GABRG2: variants seen among roughly 807,000 people sequenced by gnomAD.
GABRG2 encodes the protein gamma-aminobutyric acid receptor subunit gamma-2.
A neutral mutation model predicts 56.4 loss-of-function variants in GABRG2; 16 were observed. The observed-to-expected ratio is 0.28, with a 90% CI of 0.19 to 0.43. The LOEUF (loss-of-function observed/expected upper bound fraction) is 0.43, where lower values mean the gene tolerates loss of function less well. Among genes scored for constraint, GABRG2 ranks in the 20% least tolerant of loss-of-function variants. The pLI is 1.00. For synonymous variants in GABRG2, 208 were observed against 205.5 expected (o/e 1.01, Z -0.10); for missense variants, 327 against 582.7 (o/e 0.56, Z 4.52).
At chr5:162,094,063 A>G in intron 2 of GABRG2, 84 bp downstream of exon 2, 24 of 1,408,162 alleles carry the variant, frequency 1.7e-5, no homozygotes, top group Non-Finnish European at 2.4e-5. Flanking sequence ...AGTGTAGTTC[A>G]AGAGCAAGGA....
chr5:162,149,727 C>G (rs1366301733), intron 8 of GABRG2: 1 of 468,058 alleles, frequency 2.1e-6, no homozygotes, highest in Non-Finnish European at 4.2e-6. Context: ...AATTCTCCTG[C>G]CTCAGCCCCC....
rs532284175 is a variant in GABRG2 at position 162,085,100 on chromosome 5, A to G, written c.108-8728A>G. ...GGTCATGCAGGTTATGAGGCCGTCAATATTGTATGTAGTGATATTTCACAA... is the reference window on the plus strand; with the variant it reads ...GGTCATGCAGGTTATGAGGCCGTCAGTATTGTATGTAGTGATATTTCACAA... On this transcript the variant is annotated intron_variant, in intron 1 of 9. Coordinates refer to ENST00000639213, the MANE Select transcript of GABRG2 (RefSeq NM_198904.4). Among the ~76,000 whole-genome samples the G allele has an allele frequency of 3.3e-5, 5 of 152,108 alleles. No individual in the cohort carries two copies. In the East Asian group the frequency reaches 7.7e-4, roughly 24 times the overall value.
chr5:162,097,998 T>A, intron 4 of GABRG2, 140 bp downstream of exon 4: 1 of 698,490 alleles, frequency 1.4e-6, no homozygotes, highest in Non-Finnish European at 2.4e-6. Flanking sequence ...TATCAATTAG[T>A]ATATGACATC....
intron 8 of GABRG2, 99 bp from the exon 9 acceptor site, chr5:162,151,631 G>A (rs1765376364): frequency 9.6e-7 from 1 of 1,046,334 alleles, no homozygotes; most frequent in Non-Finnish European, 1.4e-6. Context: ...TTTTCAAAAT[G>A]TATTTTTAAT....
At chr5:162,141,660 T>C (rs1290194809) in intron 6 of GABRG2, among the ~76,000 whole-genome samples, 1 of 152,182 alleles carries the variant, frequency 6.6e-6, no homozygotes, top group Non-Finnish European at 1.5e-5. Flanking sequence ...TGAAAAAATG[T>C]CTCATCATAG....
intron 1 of GABRG2, among the ~76,000 whole-genome samples, chr5:162,076,686 G>A (rs1759138256): frequency 6.6e-6 from 1 of 152,148 alleles, no homozygotes; most frequent in East Asian, 1.9e-4. Context: ...AACTCAGGTT[G>A]CTACTCTTGA....
At chr5:162,071,208 A>T (rs1268061895) in intron 1 of GABRG2, among the ~76,000 whole-genome samples, 5 of 151,568 alleles carry the variant, frequency 3.3e-5, no homozygotes. Flanking sequence ...TAGAGATTTT[A>T]AAACAAATCT....
intron 1 of GABRG2, among the ~76,000 whole-genome samples, chr5:162,078,950 T>C (rs1405763669): frequency 3.3e-5 from 5 of 150,856 alleles, no homozygotes; most frequent in Non-Finnish European, 7.4e-5. Context: ...TGTCACTTCA[T>C]AAAAAAATCT....
chr5:162,091,978 A>G (rs209356), intron 1 of GABRG2, among the ~76,000 whole-genome samples: 66,995 of 151,904 alleles, frequency 0.44, 15,041 homozygotes, highest in African/African-American at 0.52. Flanking sequence ...ACCGTAATAT[A>G]TTCTATTATG....
intron 6 of GABRG2, among the ~76,000 whole-genome samples, chr5:162,105,844 C>CACACAG (rs201992990): frequency 6.7e-6 from 1 of 150,146 alleles, no homozygotes; most frequent in African/African-American, 2.5e-5. Context: ...CACACACACA[C>CACACAG]CACGTAAAAT....
intron 2 of GABRG2, chr5:162,094,228 TATCTC>T (rs1760831777): frequency 1.9e-5 from 9 of 481,144 alleles, no homozygotes; most frequent in South Asian, 1.7e-4. Context: ...TATTGCTAGA[TATCTC>T]AGATAGAAGC....
chr5:162,067,878 G>C lies in GABRG2; in HGVS notation c.-122G>C. On this transcript the variant is annotated 5_prime_UTR_variant, in exon 1 of 10. Transcript: ENST00000639213. ...GGTAGCAATCCATCTCCCCAGTGAA[G>C]GACCTACTAGAGGCAGGTGGGGGGA... 1.4e-6 allele frequency: 1 copy of C among 729,428 alleles called. No homozygotes were observed. The highest frequency in any genetic ancestry group is 2.5e-6 in the Non-Finnish European group (1 of 407,440). The allele number at this position is 729,428 out of a possible 1,614,324, so 45.2% of individuals were successfully genotyped here. A position where few individuals can be genotyped will look rare whatever the true frequency, so the allele number is the denominator to read the frequency against.
intron 6 of GABRG2, among the ~76,000 whole-genome samples, chr5:162,109,389 AATATATATAT>A (rs535370579): frequency 0.065 from 7,565 of 116,162 alleles, 307 homozygotes; most frequent in Non-Finnish European, 0.077. Flanking sequence ...CTTAAAGTAT[AATATATATAT>A]ATATATATAT....
At chr5:162,075,042 A>G (rs1758985094) in intron 1 of GABRG2, among the ~76,000 whole-genome samples, 2 of 152,070 alleles carry the variant, frequency 1.3e-5, no homozygotes, top group Non-Finnish European at 2.9e-5. Flanking sequence ...ACCCTCTTCC[A>G]CAAGTACTCC....
chr5:162,082,126 G>T (rs1759713788), intron 1 of GABRG2, among the ~76,000 whole-genome samples: 1 of 151,648 alleles, frequency 6.6e-6, no homozygotes, highest in African/African-American at 2.4e-5. Context: ...TGATACTACT[G>T]GTGATTATGT....
At chr5:162,094,248 G>T in intron 2 of GABRG2, 1 of 413,606 alleles carries the variant, frequency 2.4e-6, no homozygotes, top group Non-Finnish European at 4.4e-6. Context: ...AGAAGCTGTA[G>T]GAAAAAAAAA....
chr5:162,133,961 A>T (rs976590762), intron 6 of GABRG2, among the ~76,000 whole-genome samples: 1 of 152,160 alleles, frequency 6.6e-6, no homozygotes, highest in African/African-American at 2.4e-5. Context: ...TAAAGCTAAT[A>T]CGTGCATTAT....
chr5:162,072,820 G>GATA (rs34352711), intron 1 of GABRG2, among the ~76,000 whole-genome samples: 19,203 of 151,764 alleles, frequency 0.13, 1,520 homozygotes, highest in East Asian at 0.22. Context: ...AAACATAATA[G>GATA]ATTAGAAGCA....
At chr5:162,094,156 C>T in intron 2 of GABRG2, 177 bp downstream of exon 2, 2 of 626,476 alleles carry the variant, frequency 3.2e-6, no homozygotes, top group South Asian at 3.9e-5. Flanking sequence ...GGTGTCAATA[C>T]ATTCAAAATG....
Sources: allele counts gnomAD v4.1 joint callset (sites outside exome capture counted in the v4.1 genomes callset), GRCh38; gene constraint gnomAD v4.1.1; transcripts MANE v1.5; gene names NCBI Gene and HGNC (gene_info 2026-07-23, HGNC 2026-07-21).